The following ZNF264 variants were observed in gnomAD, a reference collection of about 807,000 sequenced individuals.
The protein encoded by ZNF264 is zinc finger protein 264.
In ZNF264, 11 loss-of-function variants were observed where a neutral mutation model predicts 11.2. That is an observed-to-expected ratio of 0.98 (90% CI 0.62 to 1.63). The LOEUF (loss-of-function observed/expected upper bound fraction) is 1.63, where lower values mean the gene tolerates loss of function less well. ZNF264 is among the 40% of genes most tolerant of loss of function. The pLI is 0.00. For missense variants in ZNF264, 752 were observed against 768.1 expected (o/e 0.98, Z 0.25); for synonymous variants, 309 against 279.8 (o/e 1.10, Z -1.04).
intron 3 of ZNF264, among the ~76,000 whole-genome samples, chr19:57,209,710 G>A (rs1281267132): frequency 6.6e-6 from 1 of 151,982 alleles, no homozygotes; most frequent in Non-Finnish European, 1.5e-5. Flanking sequence ...CCGAGTAGTT[G>A]GGACTACACA....
Position 57,191,907 on chromosome 19 carries a change from T to C in ZNF264, c.-7T>C. The C allele has an allele frequency of 6.7e-7, 1 of 1,497,080 alleles. No individual in the cohort carries two copies. Among genetic ancestry groups the C allele is most frequent in the Non-Finnish European group, 8.9e-7 (1 of 1,121,442 alleles). The allele number at this position is 1,497,080 out of a possible 1,614,324, so 92.7% of individuals were successfully genotyped here. A position where few individuals can be genotyped will look rare whatever the true frequency, so the allele number is the denominator to read the frequency against. ...TGTCCCAGCTCTGCGGCCCAGGGGGTGACGTGATGGCGGCAGCGGTGCTGA... is the reference window on the plus strand; with the variant it reads ...TGTCCCAGCTCTGCGGCCCAGGGGGCGACGTGATGGCGGCAGCGGTGCTGA... On this transcript the variant is annotated 5_prime_UTR_variant, in exon 1 of 4. Transcript: ENST00000263095.
chr19:57,204,140 C>T (rs550714275), intron 2 of ZNF264, among the ~76,000 whole-genome samples: 114 of 148,766 alleles, frequency 7.7e-4, no homozygotes, highest in African/African-American at 2.1e-3. Context: ...GGCGTGAACC[C>T]GGGAGGCGGA....
rs139123801 is a variant in ZNF264 at position 57,194,000 on chromosome 19, G to A, written c.159G>A (p.Leu53=). ...MLENCGLLVS[L]GCPVPKAELI... is the part of the protein sequence containing the mutation. ...AAAACTGTGGGCTCCTGGTGTCTCT[G>A]GGTAAGGCCTTCCTTCCCCCTCCAC... Residue 53 remains leucine (L), a splice_region_variant and synonymous_variant, in exon 2 of 4, where the codon CTG becomes CTA. Transcript: ENST00000263095. 1.2e-4 allele frequency: 199 copies of A among 1,606,338 alleles called. No individual in the cohort carries two copies. The African/African-American group carries it at 1.7e-3, about 13-fold the overall frequency.
intron 1 of ZNF264, among the ~76,000 whole-genome samples, chr19:57,193,126 T>C (rs566125126): frequency 1.3e-3 from 204 of 152,268 alleles, no homozygotes; most frequent in Non-Finnish European, 2.6e-3. Context: ...GCTTTGATGT[T>C]GGGGGAGTGT....
At chr19:57,192,301 A>C in intron 1 of ZNF264, 3 of 968,038 alleles carry the variant, frequency 3.1e-6, no homozygotes, top group Non-Finnish European at 3.7e-6. Flanking sequence ...GAGACAAGGT[A>C]TGTTGTATGT....
chr19:57,212,468 CAA>C lies in ZNF264; in HGVS notation c.1373_1374del (p.Lys458ArgfsTer7), dbSNP rs773460478. 9 of 1,613,896 alleles carry C rather than the reference CAA, an allele frequency of 5.6e-6. No homozygotes were observed. The South Asian group carries it at 7.7e-5, about 14-fold the overall frequency. Reference protein sequence around the residue: ...AHTGEKPFECKECGKAFSNRK... With the variant: ...AHTGEKPFECXECGKAFSNRK... ...ACACTGGAGAAAAGCCTTTCGAGTG[CAA>C]AGAGTGTGGGAAAGCCTTTAGCAAT... On this transcript the variant is annotated frameshift_variant, in exon 4 of 4. Coordinates refer to ENST00000263095, the MANE Select transcript of ZNF264 (RefSeq NM_003417.5). LOFTEE classifies it low-confidence loss of function (END_TRUNC).
intron 2 of ZNF264, among the ~76,000 whole-genome samples, chr19:57,199,526 C>CT (rs1391950715): frequency 2.0e-5 from 3 of 151,764 alleles, no homozygotes; most frequent in African/African-American, 7.3e-5. Context: ...CTATTGGAAC[C>CT]TTTTTTAACT....
At chr19:57,208,324 T>A (rs1328875543) in intron 3 of ZNF264, among the ~76,000 whole-genome samples, 1 of 151,778 alleles carries the variant, frequency 6.6e-6, no homozygotes, top group Non-Finnish European at 1.5e-5. Context: ...GTGGGAGGAT[T>A]ACTTGAGCTC....
In ZNF264 at chr19:57,191,933, C is replaced by A. The variant is rs2087176195; in HGVS notation, c.20C>A (p.Thr7Lys). MAAAVL[T>K]DRAQVSVTFD... ...GACGTGATGGCGGCAGCGGTGCTGA[C>A]GGACCGGGCCCAGGTGAGTGGACGG... Residue 7 changes from threonine to lysine, a missense_variant, in exon 1 of 4, where the codon ACG becomes AAG. By Grantham distance (78) the Thr-to-Lys change is moderately conservative. Transcript: ENST00000263095. The A allele has an allele frequency of 4.6e-6, 7 of 1,534,828 alleles. No individual in the cohort carries two copies. In the East Asian group the frequency reaches 1.8e-4, roughly 39 times the overall value.
chr19:57,214,126 C>T lies in ZNF264; in HGVS notation c.*1145C>T, dbSNP rs554972576. ...ACTTATTATTTTTAGCTATTTCTTTCGACAGAATCCTTGGAATTTTCTATA... is the reference window on the plus strand; with the variant it reads ...ACTTATTATTTTTAGCTATTTCTTTTGACAGAATCCTTGGAATTTTCTATA... On this transcript the variant is annotated 3_prime_UTR_variant, in exon 4 of 4. Coordinates refer to ENST00000263095, the MANE Select transcript of ZNF264 (RefSeq NM_003417.5). 4 of 152,234 alleles carry T rather than the reference C, an allele frequency of 2.6e-5. No homozygotes were observed. Among genetic ancestry groups the T allele is most frequent in the African/African-American group, 7.2e-5 (3 of 41,544 alleles). The allele number at this position is 152,234 out of a possible 1,614,324, so 9.4% of individuals were successfully genotyped here.
At chr19:57,207,161 T>G (rs1321774990) in intron 3 of ZNF264, among the ~76,000 whole-genome samples, 1 of 151,754 alleles carries the variant, frequency 6.6e-6, no homozygotes, top group African/African-American at 2.4e-5. Context: ...CTGTGAATGG[T>G]TCTGCCATCC....
At chr19:57,207,420 C>G (rs1266942360) in intron 3 of ZNF264, among the ~76,000 whole-genome samples, 1 of 152,224 alleles carries the variant, frequency 6.6e-6, no homozygotes, top group Non-Finnish European at 1.5e-5. Context: ...CCAGTCATGG[C>G]CAATTCCTAT....
Position 57,212,849 on chromosome 19 carries a change from C to A in ZNF264, c.1752C>A (p.Thr584=), listed in dbSNP as rs766453479. ...TTACAAGTGGACAAACCTCAGTTAC[C>A]CTTCGAGAACTTCTTTTAGGGAAGG... ...RPFTSGQTSV[T]LRELLLGKDF... Residue 584 remains threonine (T), a synonymous_variant, in exon 4 of 4, where the codon ACC becomes ACA. Transcript: ENST00000263095. The A allele has an allele frequency of 3.7e-6, 6 of 1,614,170 alleles. No individual in the cohort carries two copies. The highest frequency in any genetic ancestry group is 5.1e-6 in the Non-Finnish European group (6 of 1,180,018).
At position 57,208,142 on chromosome 19, in the gene ZNF264, A is replaced by G. The variant is rs557299421; in HGVS notation, c.256+2650A>G. 3.9e-5 allele frequency among the ~76,000 whole-genome samples: 6 copies of G among 152,370 alleles called. No homozygotes were observed. The East Asian group carries it at 9.6e-4, about 24-fold the overall frequency. Reference sequence around the variant, plus strand: ...AGTGCAGGGATTACAGGCGTAAGCCACTATGCCCAGCCTCGAGTTTCTTAC... The same window carrying G: ...AGTGCAGGGATTACAGGCGTAAGCCGCTATGCCCAGCCTCGAGTTTCTTAC... On this transcript the variant is annotated intron_variant, in intron 3 of 3. Coordinates refer to ENST00000263095, the MANE Select transcript of ZNF264 (RefSeq NM_003417.5).
chr19:57,192,059 T>C lies in ZNF264; in HGVS notation c.33+113T>C, dbSNP rs2087177578. 1.1e-5 allele frequency: 12 copies of C among 1,078,094 alleles called. No homozygotes were observed. In the East Asian group the frequency reaches 3.8e-4, roughly 34 times the overall value. The allele number at this position is 1,078,094 out of a possible 1,614,324, so 66.8% of individuals were successfully genotyped here. A position where few individuals can be genotyped will look rare whatever the true frequency, so the allele number is the denominator to read the frequency against. ...ATTTGTCTTCGCAGTCGTCGTTCGC[T>C]TTGGTGTGTGGAGCTGGTTTGCCAC... is the stretch of plus-strand genomic sequence containing the variant. On this transcript the variant is annotated intron_variant, in intron 1 of 3. Coordinates refer to ENST00000263095, the MANE Select transcript of ZNF264 (RefSeq NM_003417.5).
intron 2 of ZNF264, among the ~76,000 whole-genome samples, chr19:57,196,766 C>G (rs769063770): frequency 6.6e-6 from 1 of 151,928 alleles, no homozygotes; most frequent in Non-Finnish European, 1.5e-5. Context: ...TTTTTGACCA[C>G]TCAGGTCCAT....
Position 57,213,264 on chromosome 19 carries a change from T to C in ZNF264, c.*283T>C, listed in dbSNP as rs994930196. ...AGCCTATGGCGCTTTGTCATGGATT[T>C]CTTAGTGTATTTGGGGGAAGGGAAA... On this transcript the variant is annotated 3_prime_UTR_variant, in exon 4 of 4. Coordinates refer to ENST00000263095, the MANE Select transcript of ZNF264 (RefSeq NM_003417.5). The C allele has an allele frequency of 7.0e-6, 2 of 284,380 alleles. No homozygotes were observed. The highest frequency in any genetic ancestry group is 4.6e-5 in the Admixed American group (1 of 21,656). 17.6% of individuals were successfully genotyped at this position (284,380 alleles called of 1,614,324 possible).
intron 2 of ZNF264, among the ~76,000 whole-genome samples, chr19:57,204,315 C>T (rs1304622074): frequency 6.6e-6 from 1 of 152,064 alleles, no homozygotes; most frequent in East Asian, 1.9e-4. Context: ...ACCACATCTG[C>T]ATCCCAGGGT....
chr19:57,216,061 CCTGAACA>C lies in ZNF264; in HGVS notation c.*3081_*3087del, dbSNP rs2087377902. ...CAGTTGCTGAGAGGGGTGTTGAAGTCCTGAACATAGGCCGGGTGCAGTGGCTCACGCC... is the reference window on the plus strand; with the variant it reads ...CAGTTGCTGAGAGGGGTGTTGAAGTCTAGGCCGGGTGCAGTGGCTCACGCC... On this transcript the variant is annotated 3_prime_UTR_variant, in exon 4 of 4. Coordinates refer to ENST00000263095, the MANE Select transcript of ZNF264 (RefSeq NM_003417.5). 1 of 152,294 alleles carries C rather than the reference CCTGAACA, an allele frequency of 6.6e-6. No individual in the cohort carries two copies. Among genetic ancestry groups the C allele is most frequent in the South Asian group, 2.1e-4 (1 of 4,828 alleles). The allele number at this position is 152,294 out of a possible 1,614,324, so 9.4% of individuals were successfully genotyped here. A position where few individuals can be genotyped will look rare whatever the true frequency, so the allele number is the denominator to read the frequency against.
Sources: gnomAD v4.1 joint callset for allele counts (sites outside exome capture counted in the v4.1 genomes callset) on GRCh38, gnomAD v4.1.1 for gene constraint, MANE v1.5 for transcripts, NCBI Gene and HGNC (gene_info 2026-07-23, HGNC 2026-07-21) for gene names.